SNRPN: variants seen among roughly 807,000 people sequenced by gnomAD.
SNRPN encodes small nuclear ribonucleoprotein-associated protein N.
A neutral mutation model predicts 25.2 loss-of-function variants in SNRPN; 7 were observed. The observed-to-expected ratio is 0.28, with a 90% CI of 0.16 to 0.52. SNRPN has a LOEUF of 0.52. SNRPN is among the 20% of genes least tolerant of loss of function. The pLI, the probability that SNRPN is intolerant of heterozygous loss-of-function variation, is 0.96. For synonymous variants in SNRPN, 124 were observed against 110.6 expected (o/e 1.12, Z -0.76); for missense variants, 196 against 322.5 (o/e 0.61, Z 3.00).
At chr15:24,856,991 G>A (rs555890513) in intron 1 of SNRPN, among the ~76,000 whole-genome samples, 1 of 152,120 alleles carries the variant, frequency 6.6e-6, no homozygotes, top group Admixed American at 6.6e-5. Flanking sequence ...GATGTCACGC[G>A]GTTTTTAGTG....
chr15:24,831,127 A>G (rs2098965500), intron 2 of SNRPN, among the ~76,000 whole-genome samples: 1 of 151,994 alleles, frequency 6.6e-6, no homozygotes, highest in Admixed American at 6.6e-5. Context: ...TGTTACATGC[A>G]TATATATTAA....
chr15:24,937,847 G>A (rs552012108), intron 3 of SNRPN, among the ~76,000 whole-genome samples: 16 of 152,054 alleles, frequency 1.1e-4, no homozygotes, highest in South Asian at 4.2e-4. Context: ...TGGATATCTC[G>A]TATAAATGGA....
rs566708681 is a variant in SNRPN, at chr15:24,902,003, G to T, written c.-505+15414G>T. On this transcript the variant is annotated intron_variant, in intron 2 of 11. Coordinates refer to the SNRPN transcript ENST00000400097. The stretch of plus-strand genomic sequence containing the variant: ...TGTAAATAAGAGAAACTGAGAAATT[G>T]TAACGTAAGACAAGATCTAATATTA... Among the ~76,000 whole-genome samples, 7 of 152,300 alleles carry T rather than the reference G, an allele frequency of 4.6e-5. No homozygotes were observed. The East Asian group carries it at 1.2e-3, about 25-fold the overall frequency.
chr15:24,875,927 G>A (rs933154441), intron 1 of SNRPN, among the ~76,000 whole-genome samples: 2 of 151,904 alleles, frequency 1.3e-5, no homozygotes, highest in Non-Finnish European at 2.9e-5. Flanking sequence ...GGTGGCACAT[G>A]CCTGCAGTCC....
chr15:24,962,547 G>A lies in SNRPN; in HGVS notation c.-295+338G>A, dbSNP rs556903571. On this transcript the variant is annotated intron_variant, in intron 2 of 9. Coordinates refer to ENST00000390687, the MANE Select transcript of SNRPN (RefSeq NM_003097.6). Reference sequence around the variant, plus strand: ...CTTGCAAAATGTACTGTGCGCTGAAGTGATTAATTTACATATTCATTCTTG... The same window carrying A: ...CTTGCAAAATGTACTGTGCGCTGAAATGATTAATTTACATATTCATTCTTG... Among the ~76,000 whole-genome samples the A allele has an allele frequency of 2.6e-4, 40 of 152,250 alleles. 2 individuals carry two copies. In the South Asian group the frequency reaches 8.3e-3, roughly 32 times the overall value.
chr15:24,969,490 T>A (rs373016790), intron 3 of SNRPN, among the ~76,000 whole-genome samples: 1 of 152,212 alleles, frequency 6.6e-6, no homozygotes, highest in Non-Finnish European at 1.5e-5. Context: ...TCTTGAATCC[T>A]TTATACACAA....
chr15:24,869,264 A>G (rs981301845), intron 1 of SNRPN, among the ~76,000 whole-genome samples: 1 of 152,208 alleles, frequency 6.6e-6, no homozygotes, highest in Non-Finnish European at 1.5e-5. Flanking sequence ...GTTTAGATAT[A>G]CACAGCAGTT....
At chr15:24,881,106 G>C (rs12913025) in intron 1 of SNRPN, among the ~76,000 whole-genome samples, 62,832 of 152,026 alleles carry the variant, frequency 0.41, 13,529 homozygotes, top group East Asian at 0.61. Flanking sequence ...GTCCTCTGCT[G>C]TGCATGGAAG....
At chr15:24,840,464 C>T (rs1363537516) in intron 2 of SNRPN, among the ~76,000 whole-genome samples, 1 of 152,184 alleles carries the variant, frequency 6.6e-6, no homozygotes, top group Non-Finnish European at 1.5e-5. Context: ...TTTCTGTTGC[C>T]AGAGACATCC....
chr15:24,904,155 G>A (rs980888143), intron 2 of SNRPN, among the ~76,000 whole-genome samples: 3 of 152,120 alleles, frequency 2.0e-5, no homozygotes, highest in South Asian at 4.1e-4. Context: ...CTGAAACAAT[G>A]CTATGTTTTG....
In SNRPN at chr15:24,872,890, AAAAAAAT is replaced by A. The variant is rs1346992619; in HGVS notation, c.-578-13624_-578-13618del. 1.8e-4 allele frequency among the ~76,000 whole-genome samples: 18 copies of A among 102,144 alleles called. 3 individuals carry two copies. Among genetic ancestry groups the A allele is most frequent in the Non-Finnish European group, 3.0e-4 (14 of 47,288 alleles). The allele number at this position is 102,144 out of a possible 152,430, so 67.0% of individuals were successfully genotyped here. ...CCGTCTCAAAAAAAAAAAAAAAAAA[AAAAAAAT>A]AGTTTTCCTCATTGAATTGCCTTGG... On this transcript the variant is annotated intron_variant, in intron 1 of 11. Coordinates refer to the SNRPN transcript ENST00000400097.
intron 2 of SNRPN, among the ~76,000 whole-genome samples, chr15:24,838,301 C>T (rs984319312): frequency 1.3e-5 from 2 of 152,122 alleles, no homozygotes; most frequent in African/African-American, 4.8e-5. Flanking sequence ...TCCCAAAGTG[C>T]TGGGATTACA....
At chr15:24,915,412 C>T (rs2059450860) in intron 2 of SNRPN, among the ~76,000 whole-genome samples, 1 of 152,136 alleles carries the variant, frequency 6.6e-6, no homozygotes. Flanking sequence ...GGGGGTGAGC[C>T]ACCTTGCCCG....
chr15:24,825,396 T>A lies in SNRPN; in HGVS notation c.-687+1546T>A, dbSNP rs547589298. ...CCCAAATCTGAAAGAAACTAGAAGT[T>A]TTCTGGGGAAACAAATAGAGGAGAT... On this transcript the variant is annotated intron_variant, in intron 1 of 12. Transcript: ENST00000400100. Among the ~76,000 whole-genome samples the A allele has an allele frequency of 1.2e-4, 19 of 152,114 alleles. No individual in the cohort carries two copies. The South Asian group carries it at 3.7e-3, about 30-fold the overall frequency.
chr15:24,883,203 CCAGCGGCTTTG>C (rs2056894729), intron 1 of SNRPN, among the ~76,000 whole-genome samples: 1 of 152,204 alleles, frequency 6.6e-6, no homozygotes, highest in Admixed American at 6.5e-5. Flanking sequence ...AAATCAGAAA[CCAGCGGCTTTG>C]CAGCCAAGTA....
chr15:24,951,924 C>T (rs527820548), upstream of SNRPN, among the ~76,000 whole-genome samples: 8 of 152,208 alleles, frequency 5.3e-5, no homozygotes, highest in African/African-American at 1.9e-4. Flanking sequence ...TCCCTTGAAT[C>T]GAAAACTTTT....
intron 1 of SNRPN, among the ~76,000 whole-genome samples, chr15:24,873,799 C>G (rs1397606415): frequency 2.0e-5 from 3 of 152,024 alleles, no homozygotes; most frequent in Non-Finnish European, 4.4e-5. Context: ...ACATCTCATT[C>G]CTACCTTCAA....
chr15:24,886,506 T>C (rs1311320337), intron 1 of SNRPN: 1 of 151,380 alleles, frequency 6.6e-6, no homozygotes, highest in Admixed American at 6.6e-5. Flanking sequence ...TATGACTTTT[T>C]CTTTAACAGA....
chr15:24,926,858 A>T (rs2060418350), intron 3 of SNRPN, among the ~76,000 whole-genome samples: 1 of 151,812 alleles, frequency 6.6e-6, no homozygotes, highest in South Asian at 2.1e-4. Context: ...AAAAAATGTA[A>T]AAGTTAGTTG....
Sources: allele counts gnomAD v4.1 joint callset (sites outside exome capture counted in the v4.1 genomes callset), GRCh38; gene constraint gnomAD v4.1.1; transcripts MANE v1.5; gene names NCBI Gene and HGNC (gene_info 2026-07-23, HGNC 2026-07-21).